The following MED12L variants were observed in gnomAD, a reference collection of about 807,000 sequenced individuals.
MED12L encodes mediator of RNA polymerase II transcription subunit 12-like protein.
In MED12L, 60 loss-of-function variants were observed where a neutral mutation model predicts 281.3. The observed-to-expected ratio is 0.21, with a 90% CI of 0.17 to 0.26. The LOEUF (loss-of-function observed/expected upper bound fraction) is 0.26, where lower values mean the gene tolerates loss of function less well. Ranked by LOEUF, MED12L falls within the 10% of genes least tolerant of loss-of-function variation. The pLI is 1.00. For missense variants in MED12L, 2,146 were observed against 2,680.9 expected, an observed-to-expected ratio of 0.80 and a Z score of 4.41; for synonymous variants, 974 against 987.2, an observed-to-expected ratio of 0.99 and a Z score of 0.25.
At chr3:151,266,556 G>A (rs757581850) in intron 16 of MED12L, among the ~76,000 whole-genome samples, 3 of 152,160 alleles carry the variant, frequency 2.0e-5, no homozygotes, top group Non-Finnish European at 2.9e-5. Flanking sequence ...CCACCTTAGC[G>A]TTAGCTATAA....
At chr3:151,310,434 T>C (rs1313554051) in intron 16 of MED12L, among the ~76,000 whole-genome samples, 3 of 152,328 alleles carry the variant, frequency 2.0e-5, no homozygotes, top group African/African-American at 4.8e-5. Context: ...CATTCAGCCC[T>C]TTTCACTGTG....
chr3:151,233,478 A>C (rs1198012861), intron 16 of MED12L, among the ~76,000 whole-genome samples: 2 of 152,248 alleles, frequency 1.3e-5, no homozygotes, highest in African/African-American at 4.8e-5. Flanking sequence ...TCCCGCCTGT[A>C]ATCCCAACAC....
chr3:151,143,371 A>G (rs1217777801), intron 5 of MED12L, among the ~76,000 whole-genome samples: 2 of 152,220 alleles, frequency 1.3e-5, no homozygotes, highest in African/African-American at 4.8e-5. Context: ...ACGTTACTCT[A>G]ACTACAGCTG....
chr3:151,362,534 A>C (rs6804600), intron 21 of MED12L, among the ~76,000 whole-genome samples: 11,770 of 151,968 alleles, frequency 0.077, 1,550 homozygotes, highest in African/African-American at 0.27. Context: ...CACCATTTTA[A>C]ATAGCACCCC....
At chr3:151,262,550 T>G (rs190429200) in intron 16 of MED12L, among the ~76,000 whole-genome samples, 1 of 152,344 alleles carries the variant, frequency 6.6e-6, no homozygotes, top group African/African-American at 2.4e-5. Flanking sequence ...TGAAGGAAAT[T>G]TGGTGAGGCC....
chr3:151,299,362 T>TTTCTTTTCTC (rs1745564321), intron 16 of MED12L, among the ~76,000 whole-genome samples: 1 of 112,474 alleles, frequency 8.9e-6, no homozygotes, highest in Non-Finnish European at 1.8e-5. Context: ...CCTTCTTTCT[T>TTTCTTTTCTC]TTCTTTTCTT....
chr3:151,157,574 A>G (rs1254864026), intron 6 of MED12L, among the ~76,000 whole-genome samples: 1 of 152,132 alleles, frequency 6.6e-6, no homozygotes, highest in African/African-American at 2.4e-5. Context: ...CTGTATATAT[A>G]TTTATTTAGA....
At chr3:151,371,210 A>G (rs1756143937) in intron 26 of MED12L, among the ~76,000 whole-genome samples, 1 of 152,086 alleles carries the variant, frequency 6.6e-6, no homozygotes, top group South Asian at 2.1e-4. Context: ...CCATGCCCTA[A>G]CCAACTCTCA....
At chr3:151,298,207 G>A (rs1745360701) in intron 16 of MED12L, among the ~76,000 whole-genome samples, 1 of 152,112 alleles carries the variant, frequency 6.6e-6, no homozygotes, top group Non-Finnish European at 1.5e-5. Context: ...GTACTCAGAA[G>A]CATTTCTCTA....
chr3:151,279,219 G>T (rs1742412354), intron 16 of MED12L, among the ~76,000 whole-genome samples: 1 of 152,234 alleles, frequency 6.6e-6, no homozygotes, highest in Non-Finnish European at 1.5e-5. Flanking sequence ...CATTTTAAGT[G>T]TATTTACTTA....
chr3:151,141,182 T>TTTTTTTTTTTGTTTTTTTG (rs1560087815), intron 5 of MED12L, among the ~76,000 whole-genome samples: 2 of 116,746 alleles, frequency 1.7e-5, no homozygotes, highest in African/African-American at 9.0e-5. Flanking sequence ...TTTTTTGTTT[T>TTTTTTTTTTTGTTTTTTTG]TTTTGTTTTT....
chr3:151,266,765 G>A (rs919456362), intron 16 of MED12L, among the ~76,000 whole-genome samples: 29 of 152,204 alleles, frequency 1.9e-4, no homozygotes, highest in African/African-American at 6.5e-4. Flanking sequence ...GAAATAGTTA[G>A]CTGCCTGGTA....
intron 5 of MED12L, among the ~76,000 whole-genome samples, chr3:151,143,375 A>G (rs902498524): frequency 2.6e-5 from 4 of 152,264 alleles, no homozygotes; most frequent in African/African-American, 9.6e-5. Context: ...TACTCTAACT[A>G]CAGCTGATCA....
chr3:151,094,366 T>C (rs1720449784), intron 2 of MED12L, among the ~76,000 whole-genome samples: 2 of 152,172 alleles, frequency 1.3e-5, no homozygotes, highest in South Asian at 4.1e-4. Context: ...GTCAAGTCTC[T>C]TGAGCAGTGA....
intron 16 of MED12L, among the ~76,000 whole-genome samples, chr3:151,218,423 T>TC (rs1258224862): frequency 6.6e-6 from 1 of 152,254 alleles, no homozygotes; most frequent in African/African-American, 2.4e-5. Flanking sequence ...GGAGCCCTGC[T>TC]CATTGATAGT....
intron 11 of MED12L, among the ~76,000 whole-genome samples, chr3:151,171,521 A>G (rs1370570543): frequency 6.6e-6 from 1 of 152,170 alleles, no homozygotes; most frequent in Non-Finnish European, 1.5e-5. Context: ...CACTGGACAG[A>G]GTGTTCCTGC....
intron 16 of MED12L, among the ~76,000 whole-genome samples, chr3:151,207,610 A>G (rs958289882): frequency 2.6e-5 from 4 of 152,178 alleles, no homozygotes; most frequent in Admixed American, 6.5e-5. Flanking sequence ...TGGAGAGCTC[A>G]TGGTTATACA....
At chr3:151,320,982 C>T (rs1748933370) in intron 16 of MED12L, among the ~76,000 whole-genome samples, 1 of 152,130 alleles carries the variant, frequency 6.6e-6, no homozygotes, top group South Asian at 2.1e-4. Flanking sequence ...TAAATATATA[C>T]AGTGTAGTTC....
intron 11 of MED12L, among the ~76,000 whole-genome samples, chr3:151,178,181 A>AAAAAAAAAAAAAAAAAAAAAC (rs1560124057): frequency 6.7e-6 from 1 of 149,332 alleles, no homozygotes; most frequent in Non-Finnish European, 1.5e-5. Flanking sequence ...AAAAAAAAAA[A>AAAAAAAAAAAAAAAAAAAAAC]AAAGAAAGTG....
Sources: allele counts gnomAD v4.1 joint callset (sites outside exome capture counted in the v4.1 genomes callset), GRCh38; gene constraint gnomAD v4.1.1; transcripts MANE v1.5; gene names NCBI Gene and HGNC (gene_info 2026-07-23, HGNC 2026-07-21).